Variants in LRP6 observed in about 807,000 individuals in gnomAD.
The protein encoded by LRP6 is LDL receptor related protein 6.
LRP6 carries 43 observed loss-of-function variants against 184.1 expected under a neutral mutation model. The ratio of observed to expected loss-of-function variants is 0.23; its 90% CI spans 0.18 to 0.30. The LOEUF (loss-of-function observed/expected upper bound fraction) is 0.30. LRP6 is among the 10% of genes least tolerant of loss of function. The probability of loss-of-function intolerance (pLI) is 1.00; values close to 1 mark genes in which losing one functional copy is unlikely to be tolerated. For synonymous variants in LRP6, 719 were observed against 684.9 expected (o/e 1.05, Z -0.78); for missense variants, 1,571 against 2,005.3 (o/e 0.78, Z 4.14).
intron 3 of LRP6, among the ~76,000 whole-genome samples, chr12:12,190,288 T>G (rs1334959453): frequency 1.3e-5 from 2 of 151,978 alleles, no homozygotes; most frequent in African/African-American, 2.4e-5. Flanking sequence ...CAAGGAGGAG[T>G]TGATCATGGC....
intron 9 of LRP6, 92 bp from the exon 10 acceptor site, chr12:12,162,511 G>A (rs912785729): frequency 9.8e-7 from 1 of 1,018,686 alleles, no homozygotes; most frequent in African/African-American, 1.6e-5. Context: ...AGGGGCAAGA[G>A]GATCCAGAAG....
intron 2 of LRP6, among the ~76,000 whole-genome samples, chr12:12,214,559 A>C (rs893308083): frequency 6.6e-6 from 1 of 152,264 alleles, no homozygotes; most frequent in East Asian, 1.9e-4. Context: ...CAAAAGCTTA[A>C]AATTCATGAT....
chr12:12,143,306 A>C (rs1417870627), intron 15 of LRP6, among the ~76,000 whole-genome samples: 1 of 152,184 alleles, frequency 6.6e-6, no homozygotes, highest in African/African-American at 2.4e-5. Flanking sequence ...CATGGTTTAG[A>C]AGATTAATAT....
intron 7 of LRP6, among the ~76,000 whole-genome samples, chr12:12,176,843 CTTTTTT>C (rs71435897): frequency 9.7e-6 from 1 of 103,118 alleles, no homozygotes; most frequent in Non-Finnish European, 1.9e-5. Flanking sequence ...TGAGCCCAAA[CTTTTTT>C]TTTTTTTTTT....
intron 2 of LRP6, among the ~76,000 whole-genome samples, chr12:12,203,788 C>T (rs1433598504): frequency 6.6e-6 from 1 of 151,734 alleles, no homozygotes; most frequent in Non-Finnish European, 1.5e-5. Flanking sequence ...AACAAACAAA[C>T]AAAACAAAAA....
chr12:12,234,142 C>T (rs1864868604), intron 2 of LRP6, among the ~76,000 whole-genome samples: 1 of 151,944 alleles, frequency 6.6e-6, no homozygotes, highest in Non-Finnish European at 1.5e-5. Context: ...ACAAAATTAG[C>T]CAGACGTGGT....
Position 12,149,026 on chromosome 12 carries a change from G to C in LRP6, c.3122C>G (p.Thr1041Arg). The C allele has an allele frequency of 1.9e-6, 3 of 1,614,006 alleles. No homozygotes were observed. The highest frequency in any genetic ancestry group is 2.5e-6 in the Non-Finnish European group (3 of 1,179,986). Reference protein sequence around the residue: ...TCEATNVINVTRLDGRSVGVV... With the variant: ...TCEATNVINVRRLDGRSVGVV... ...TCCAACTGATCTCCCATCTAATCTTGTCACATTAATGACATTGGTAGCCTC... is the reference window on the plus strand; with the variant it reads ...TCCAACTGATCTCCCATCTAATCTTCTCACATTAATGACATTGGTAGCCTC... The change falls in exon 14 of 23, where the codon ACA (threonine) becomes AGA (arginine). Residue 1041 changes from threonine (T) to arginine (R), a missense_variant. This residue lies in a region of LRP6 where 763 missense variants were observed against 859.5 expected (regional missense o/e 0.89). Transcript: ENST00000261349.
At chr12:12,250,466 T>A (rs1865297957) in intron 1 of LRP6, among the ~76,000 whole-genome samples, 1 of 151,408 alleles carries the variant, frequency 6.6e-6, no homozygotes, top group Non-Finnish European at 1.5e-5. Context: ...TAGTCTTTAG[T>A]ACTTACATGA....
At chr12:12,144,544 G>T (rs904186068) in intron 15 of LRP6, among the ~76,000 whole-genome samples, 2 of 152,188 alleles carry the variant, frequency 1.3e-5, no homozygotes, top group African/African-American at 4.8e-5. Flanking sequence ...AGGAAGCTGA[G>T]GCAGGAGGAC....
chr12:12,123,663 G>C (rs1056537148), intron 22 of LRP6, among the ~76,000 whole-genome samples: 1 of 152,200 alleles, frequency 6.6e-6, no homozygotes, highest in African/African-American at 2.4e-5. Context: ...AAGGAACATA[G>C]AAGTGGAAGC....
chr12:12,154,936 C>T (rs551350425), intron 12 of LRP6, among the ~76,000 whole-genome samples: 6 of 152,318 alleles, frequency 3.9e-5, no homozygotes, highest in Admixed American at 2.6e-4. Context: ...TGGCTCATGC[C>T]TGTAATCCCA....
chr12:12,171,712 A>G (rs907933513), intron 7 of LRP6, among the ~76,000 whole-genome samples: 1 of 152,190 alleles, frequency 6.6e-6, no homozygotes, highest in Non-Finnish European at 1.5e-5. Context: ...TCCTTCACAC[A>G]AAGTCCAATT....
At chr12:12,221,316 C>T (rs146815846) in intron 2 of LRP6, among the ~76,000 whole-genome samples, 6 of 152,302 alleles carry the variant, frequency 3.9e-5, no homozygotes, top group African/African-American at 1.4e-4. Context: ...GCCTTCATAA[C>T]TTCAAAACCC....
intron 4 of LRP6, among the ~76,000 whole-genome samples, chr12:12,185,312 ATT>A (rs1863442245): frequency 6.6e-6 from 1 of 152,074 alleles, no homozygotes; most frequent in East Asian, 1.9e-4. Flanking sequence ...AACAGGGAAA[ATT>A]CTCTTTTGAG....
intron 2 of LRP6, among the ~76,000 whole-genome samples, chr12:12,241,447 A>C (rs1016775020): frequency 2.0e-5 from 3 of 152,204 alleles, no homozygotes; most frequent in Non-Finnish European, 4.4e-5. Flanking sequence ...TTTTCAGTGT[A>C]GGAGTTTAAA....
At chr12:12,148,747 G>A (rs1444151490) in intron 14 of LRP6, among the ~76,000 whole-genome samples, 195 bp downstream of exon 14, 2 of 152,172 alleles carry the variant, frequency 1.3e-5, no homozygotes, top group East Asian at 1.9e-4. Flanking sequence ...AGTGGCCCAG[G>A]AAAGAAAGTC....
At chr12:12,140,265 G>C (rs140383428) in intron 15 of LRP6, among the ~76,000 whole-genome samples, 1 of 150,776 alleles carries the variant, frequency 6.6e-6, no homozygotes, top group Non-Finnish European at 1.5e-5. Flanking sequence ...GAACAAAAAA[G>C]AGCCCTTGGA....
chr12:12,243,318 T>A (rs1368332496), intron 2 of LRP6, among the ~76,000 whole-genome samples: 1 of 152,238 alleles, frequency 6.6e-6, no homozygotes, highest in Non-Finnish European at 1.5e-5. Context: ...ATTGCAAATA[T>A]ATGTTTAGCT....
chr12:12,202,061 T>C (rs1311666925), intron 3 of LRP6, among the ~76,000 whole-genome samples: 3 of 152,214 alleles, frequency 2.0e-5, no homozygotes, highest in Admixed American at 2.0e-4. Flanking sequence ...ACCAAAATTA[T>C]CATTAAAACA....
Sources: allele counts gnomAD v4.1 joint callset (sites outside exome capture counted in the v4.1 genomes callset), GRCh38; gene constraint gnomAD v4.1.1; regional missense constraint gnomAD v4.1.1; transcripts MANE v1.5; gene names NCBI Gene and HGNC (gene_info 2026-07-23, HGNC 2026-07-21).